The following PLS1 variants were observed in gnomAD, a reference collection of about 807,000 sequenced individuals.
PLS1 encodes plastin-1.
Under a neutral mutation model 73.7 loss-of-function variants are expected in PLS1, and 32 were observed. The observed-to-expected ratio is 0.43, with a 90% CI of 0.33 to 0.58. The LOEUF (loss-of-function observed/expected upper bound fraction) is 0.58, where lower values mean the gene tolerates loss of function less well. Among genes scored for constraint, PLS1 ranks in the 20% least tolerant of loss-of-function variants. PLS1 has a pLI of 0.04. For missense variants in PLS1, 633 were observed against 740.5 expected, an observed-to-expected ratio of 0.85 and a Z score of 1.68; for synonymous variants, 217 against 261.3, an observed-to-expected ratio of 0.83 and a Z score of 1.63.
chr3:142,680,956 C>T (rs1029467616), intron 6 of PLS1, among the ~76,000 whole-genome samples: 1 of 152,122 alleles, frequency 6.6e-6, no homozygotes, highest in Non-Finnish European at 1.5e-5. Flanking sequence ...GGTGTGGTTA[C>T]AATAGTAGCT....
intron 1 of PLS1, chr3:142,656,883 C>T (rs1402660277): frequency 2.0e-5 from 3 of 152,170 alleles, no homozygotes; most frequent in Non-Finnish European, 4.4e-5. Context: ...ATTCTAGAAC[C>T]TCTGATCTCA....
intron 1 of PLS1, among the ~76,000 whole-genome samples, chr3:142,649,651 G>T (rs1336156910): frequency 2.0e-5 from 3 of 151,408 alleles, no homozygotes; most frequent in African/African-American, 7.3e-5. Flanking sequence ...AAAAAAAAAA[G>T]TGAATAGGAA....
At chr3:142,707,162 AAG>A (rs1390927996) in intron 14 of PLS1, among the ~76,000 whole-genome samples, 1 of 152,214 alleles carries the variant, frequency 6.6e-6, no homozygotes, top group Non-Finnish European at 1.5e-5. Context: ...AAAATCTTTA[AAG>A]AGAGTGCAAA....
intron 1 of PLS1, among the ~76,000 whole-genome samples, chr3:142,615,995 G>A (rs541477142): frequency 1.6e-4 from 24 of 152,192 alleles, no homozygotes; most frequent in Non-Finnish European, 3.4e-4. Flanking sequence ...AGCCCGTTTG[G>A]TGATTCTATT....
intron 1 of PLS1, among the ~76,000 whole-genome samples, chr3:142,632,086 A>G (rs938916649): frequency 2.0e-5 from 3 of 152,220 alleles, no homozygotes; most frequent in Non-Finnish European, 4.4e-5. Flanking sequence ...AAGATGACAT[A>G]CAAATGGTCC....
At chr3:142,663,750 T>TA (rs568749439) in intron 1 of PLS1, among the ~76,000 whole-genome samples, 18 of 152,206 alleles carry the variant, frequency 1.2e-4, no homozygotes, top group Non-Finnish European at 2.2e-4. Context: ...AGCTGAATGT[T>TA]AAAACCACAA....
At chr3:142,651,112 T>C (rs950727808) in intron 1 of PLS1, among the ~76,000 whole-genome samples, 11 of 152,302 alleles carry the variant, frequency 7.2e-5, no homozygotes, top group African/African-American at 2.4e-4. Flanking sequence ...AGTGAGCTAA[T>C]TTGACAGAAG....
At chr3:142,666,348 T>C (rs961336126) in intron 2 of PLS1, among the ~76,000 whole-genome samples, 1 of 152,186 alleles carries the variant, frequency 6.6e-6, no homozygotes, top group South Asian at 2.1e-4. Flanking sequence ...ACTTTCTATA[T>C]GAGTGTGACT....
intron 1 of PLS1, among the ~76,000 whole-genome samples, chr3:142,599,785 C>T (rs1448989334): frequency 6.6e-6 from 1 of 151,922 alleles, no homozygotes; most frequent in Non-Finnish European, 1.5e-5. Context: ...GACAGGGTCC[C>T]ACTCTGTCAC....
intron 1 of PLS1, among the ~76,000 whole-genome samples, chr3:142,641,251 C>A (rs1306684502): frequency 1.4e-5 from 2 of 139,730 alleles, no homozygotes; most frequent in African/African-American, 2.7e-5. Context: ...ATCTATATAT[C>A]TCTCTATATA....
chr3:142,610,873 G>A (rs2036109832), intron 1 of PLS1, among the ~76,000 whole-genome samples: 1 of 152,054 alleles, frequency 6.6e-6, no homozygotes, highest in Non-Finnish European at 1.5e-5. Context: ...CACAATTTTG[G>A]GCCCAGGCAC....
chr3:142,650,370 C>T (rs1484244104), intron 1 of PLS1, among the ~76,000 whole-genome samples: 2 of 151,840 alleles, frequency 1.3e-5, no homozygotes, highest in Non-Finnish European at 2.9e-5. Context: ...AGGTGCCTAC[C>T]CCCATGCCCG....
chr3:142,664,582 C>T (rs182676444), intron 2 of PLS1, among the ~76,000 whole-genome samples: 1 of 152,112 alleles, frequency 6.6e-6, no homozygotes, highest in African/African-American at 2.4e-5. Context: ...ACACTTTACA[C>T]GGTATCCTTA....
At chr3:142,690,190 T>G (rs926498430) in intron 10 of PLS1, among the ~76,000 whole-genome samples, 6 of 152,144 alleles carry the variant, frequency 3.9e-5, no homozygotes. Context: ...CTTTTTAAGG[T>G]TTTTAGTGTA....
intron 11 of PLS1, among the ~76,000 whole-genome samples, chr3:142,695,865 G>A (rs76198214): frequency 0.13 from 19,963 of 151,674 alleles, 1,529 homozygotes; most frequent in East Asian, 0.19. Context: ...TGTGATCTCG[G>A]CTCACCGCAA....
chr3:142,625,350 A>G (rs1027916181), intron 1 of PLS1, among the ~76,000 whole-genome samples: 1 of 152,108 alleles, frequency 6.6e-6, no homozygotes, highest in Non-Finnish European at 1.5e-5. Context: ...ATGTTCTTCT[A>G]TTAGAATTGA....
intron 4 of PLS1, among the ~76,000 whole-genome samples, chr3:142,674,645 A>G (rs1431750240): frequency 1.3e-5 from 2 of 152,196 alleles, no homozygotes; most frequent in Admixed American, 1.3e-4. Flanking sequence ...CAATGTACCC[A>G]TACTAGAAGC....
chr3:142,643,825 ATTTT>A (rs67216911), intron 1 of PLS1, among the ~76,000 whole-genome samples: 27,622 of 122,516 alleles, frequency 0.23, 2,292 homozygotes, highest in Non-Finnish European at 0.27. Context: ...TCTTCATTTC[ATTTT>A]TTTTTTTTTT....
At chr3:142,643,986 C>G (rs149184819) in intron 1 of PLS1, among the ~76,000 whole-genome samples, 5 of 151,926 alleles carry the variant, frequency 3.3e-5, no homozygotes, top group East Asian at 3.9e-4. Flanking sequence ...TGTACCACCA[C>G]GCCCAGCTAA....
Sources: allele counts gnomAD v4.1 joint callset (sites outside exome capture counted in the v4.1 genomes callset), GRCh38; gene constraint gnomAD v4.1.1; transcripts MANE v1.5; gene names NCBI Gene and HGNC (gene_info 2026-07-23, HGNC 2026-07-21).